The following MFAP3L variants were observed in gnomAD, a reference collection of about 807,000 sequenced individuals.
MFAP3L encodes microfibrillar-associated protein 3-like.
In MFAP3L, 5 loss-of-function variants were observed where a neutral mutation model predicts 20.0. That is an observed-to-expected ratio of 0.25 (90% CI 0.13 to 0.53). The LOEUF (loss-of-function observed/expected upper bound fraction) is 0.53, where lower values mean the gene tolerates loss of function less well. Ranked by LOEUF, MFAP3L falls within the 20% of genes least tolerant of loss-of-function variation. The pLI is 0.96. For synonymous variants in MFAP3L, 219 were observed against 213.0 expected (o/e 1.03, Z -0.25); for missense variants, 409 against 527.5 (o/e 0.78, Z 2.20).
Position 169,986,646 on chromosome 4 carries a change from G to A in MFAP3L, c.*4732C>T, listed in dbSNP as rs1411356184. The A allele has an allele frequency of 6.6e-6, 1 of 152,168 alleles. No individual in the cohort carries two copies. The highest frequency in any genetic ancestry group is 1.5e-5 in the Non-Finnish European group (1 of 68,024). 9.4% of individuals were successfully genotyped at this position (152,168 alleles called of 1,614,324 possible). On this transcript the variant is annotated 3_prime_UTR_variant, in exon 3 of 3. Transcript: ENST00000361618. Reference sequence around the variant, plus strand: ...TATTAAAGCATCAATCAAAATACAGGATGGATCACATGGTTTTCTGTTTTT... The same window carrying A: ...TATTAAAGCATCAATCAAAATACAGAATGGATCACATGGTTTTCTGTTTTT...
At chr4:170,013,364 C>T (rs573161016) in intron 1 of MFAP3L, among the ~76,000 whole-genome samples, 2 of 152,252 alleles carry the variant, frequency 1.3e-5, no homozygotes, top group South Asian at 2.1e-4. Context: ...AAAAGAACCA[C>T]AAACCCTTAT....
intron 2 of MFAP3L, chr4:170,004,928 G>A (rs191308204): frequency 2.0e-5 from 3 of 152,412 alleles, no homozygotes; most frequent in Admixed American, 6.5e-5. Context: ...GAAATGCACC[G>A]ATTCCCGAAG....
upstream of MFAP3L, among the ~76,000 whole-genome samples, chr4:170,026,615 C>T (rs1229799046): frequency 6.6e-6 from 1 of 151,974 alleles, no homozygotes; most frequent in Non-Finnish European, 1.5e-5. Flanking sequence ...GCCGGGGAGT[C>T]CCGCATTCAG....
chr4:170,000,536 C>G (rs1738539540), intron 2 of MFAP3L, among the ~76,000 whole-genome samples: 1 of 152,060 alleles, frequency 6.6e-6, no homozygotes. Flanking sequence ...ACTCACAATC[C>G]CACTTGTAGT....
At chr4:170,025,276 T>C (rs1424000003) in intron 1 of MFAP3L, among the ~76,000 whole-genome samples, 1 of 152,136 alleles carries the variant, frequency 6.6e-6, no homozygotes. Context: ...TAGTAGCAAC[T>C]GAAAAAAATG....
rs1737664062 is a variant in MFAP3L at position 169,991,485 on chromosome 4, G to A, written c.1123C>T (p.Pro375Ser). Residue 375 changes from proline (P) to serine (S), a missense_variant, in exon 3 of 3, where the codon CCT becomes TCT. Physicochemically the swap from Pro to Ser is moderately conservative, Grantham distance 74. Transcript: ENST00000361618. This position sits in a 1 kb window ranked among gnomAD's most constrained non-coding sequence, Gnocchi z 4.9. Reference protein sequence around the residue: ...STELTSEEPTPVEVPDKVLPP... With the variant: ...STELTSEEPTSVEVPDKVLPP... ...AGTACCTTATCTGGTACCTCAACAG[G>A]TGTTGGCTCTTCAGATGTTAGCTCG... is the stretch of plus-strand genomic sequence containing the variant. 2 of 1,614,180 alleles carry A rather than the reference G, an allele frequency of 1.2e-6. No individual in the cohort carries two copies. The highest frequency in any genetic ancestry group is 2.2e-5 in the South Asian group (2 of 91,082).
chr4:170,016,777 T>G (rs1739727041), intron 1 of MFAP3L, among the ~76,000 whole-genome samples: 1 of 152,192 alleles, frequency 6.6e-6, no homozygotes, highest in Admixed American at 6.5e-5. Flanking sequence ...TCTTAGACAG[T>G]TCTGGAAAAT....
intron 1 of MFAP3L, chr4:170,006,528 A>C (rs748872364): frequency 6.6e-6 from 1 of 152,236 alleles, no homozygotes; most frequent in Non-Finnish European, 1.5e-5. Context: ...ATTTTATAGG[A>C]ACAAATATTT....
At chr4:170,014,409 A>C (rs555866759) in intron 1 of MFAP3L, among the ~76,000 whole-genome samples, 2 of 152,320 alleles carry the variant, frequency 1.3e-5, no homozygotes, top group Admixed American at 1.3e-4. Context: ...GAGCTGATGG[A>C]TGTCTGGAAG....
At chr4:170,026,586 G>T (rs1487731602), upstream of MFAP3L, among the ~76,000 whole-genome samples, 1 of 151,680 alleles carries the variant, frequency 6.6e-6, no homozygotes, top group African/African-American at 2.4e-5. Context: ...CCGCGGAGGA[G>T]CCACCGGAGG....
intron 1 of MFAP3L, among the ~76,000 whole-genome samples, chr4:170,023,125 A>G (rs1740140403): frequency 6.6e-6 from 1 of 152,102 alleles, no homozygotes; most frequent in Admixed American, 6.5e-5. Flanking sequence ...GACTTTTCCC[A>G]TGGAAATGTC....
intron 1 of MFAP3L, among the ~76,000 whole-genome samples, chr4:170,015,815 C>T (rs1321851568): frequency 2.0e-5 from 3 of 152,162 alleles, no homozygotes; most frequent in African/African-American, 7.2e-5. Context: ...GTTACCTGGA[C>T]TAAGAGTGGG....
chr4:170,026,386 G>T lies in MFAP3L; in HGVS notation c.-286C>A. 1 of 693,254 alleles carries T rather than the reference G, an allele frequency of 1.4e-6. No individual in the cohort carries two copies. The highest frequency in any genetic ancestry group is 6.4e-5 in the South Asian group (1 of 15,652). 42.9% of individuals were successfully genotyped at this position (693,254 alleles called of 1,614,324 possible). On this transcript the variant is annotated 5_prime_UTR_variant, in exon 1 of 3. Coordinates refer to ENST00000361618, the MANE Select transcript of MFAP3L (RefSeq NM_021647.8). ...GGCGCCTCACAGCGTTGCGAGCTGC[G>T]CCGCCGGCTGCCGGGAGCGCGGAGC...
At chr4:169,995,723 C>T (rs776446468) in intron 2 of MFAP3L, among the ~76,000 whole-genome samples, 19 of 152,242 alleles carry the variant, frequency 1.2e-4, no homozygotes, top group African/African-American at 4.1e-4. Context: ...GCTTTACACG[C>T]GAAGTGGGGA....
At position 170,026,271 on chromosome 4, in the gene MFAP3L, C is replaced by G. The variant is rs1730402834; in HGVS notation, c.-171G>C. ...CGCCACTCAGGTGGCCGCCGTGCAC[C>G]CCTCGCCATGGCCAGCCCGACAGCG... is the stretch of plus-strand genomic sequence containing the variant. On this transcript the variant is annotated 5_prime_UTR_variant, in exon 1 of 3. Transcript: ENST00000361618. 1.0e-6 allele frequency: 1 copy of G among 984,456 alleles called. No individual in the cohort carries two copies. Among genetic ancestry groups the G allele is most frequent in the Non-Finnish European group, 1.2e-6 (1 of 829,676 alleles). The allele number at this position is 984,456 out of a possible 1,614,324, so 61.0% of individuals were successfully genotyped here. A position where few individuals can be genotyped will look rare whatever the true frequency, so the allele number is the denominator to read the frequency against.
chr4:170,006,269 T>A (rs1739029462), intron 1 of MFAP3L, among the ~76,000 whole-genome samples: 1 of 151,992 alleles, frequency 6.6e-6, no homozygotes, highest in African/African-American at 2.4e-5. Context: ...CCCACCAACA[T>A]GTCTGGCTAA....
intron 1 of MFAP3L, among the ~76,000 whole-genome samples, chr4:170,019,869 CTAAG>C (rs1197876879): frequency 2.0e-5 from 3 of 152,184 alleles, no homozygotes; most frequent in East Asian, 1.9e-4. Flanking sequence ...AGCACAGCCT[CTAAG>C]TAAGTTACAG....
At chr4:170,005,397 G>A (rs1738962921) in intron 2 of MFAP3L, 183 bp downstream of exon 2, 2 of 719,810 alleles carry the variant, frequency 2.8e-6, no homozygotes, top group African/African-American at 3.6e-5. Flanking sequence ...TGTCAATGAG[G>A]GAAAAAAATG....
intron 1 of MFAP3L, among the ~76,000 whole-genome samples, chr4:170,009,861 G>T (rs1440992230): frequency 6.6e-6 from 1 of 152,214 alleles, no homozygotes; most frequent in Non-Finnish European, 1.5e-5. Context: ...AGGACCTCTT[G>T]TGTAAGGGGT....
Sources: allele counts gnomAD v4.1 joint callset (sites outside exome capture counted in the v4.1 genomes callset), GRCh38; gene constraint gnomAD v4.1.1; non-coding constraint Gnocchi (gnomAD v3.1); transcripts MANE v1.5; gene names NCBI Gene and HGNC (gene_info 2026-07-23, HGNC 2026-07-21).